The following TXNL4A variants were observed in gnomAD, a reference collection of about 807,000 sequenced individuals.
TXNL4A encodes thioredoxin-like protein 4A.
TXNL4A carries 17 observed loss-of-function variants against 14.6 expected under a neutral mutation model. The observed-to-expected ratio is 1.16, with a 90% CI of 0.80 to 1.74. The LOEUF (loss-of-function observed/expected upper bound fraction) is 1.74. Among genes scored for constraint, TXNL4A ranks in the 40% most tolerant of loss-of-function variants. The probability of loss-of-function intolerance (pLI) is 0.00; values close to 1 mark genes in which losing one functional copy is unlikely to be tolerated. For missense variants in TXNL4A, 74 were observed against 195.2 expected, an observed-to-expected ratio of 0.38 and a Z score of 3.70; for synonymous variants, 83 against 70.6, an observed-to-expected ratio of 1.18 and a Z score of -0.88.
chr18:80,002,530 C>G (rs146499838), intron 1 of TXNL4A, among the ~76,000 whole-genome samples: 2 of 152,296 alleles, frequency 1.3e-5, no homozygotes, highest in Non-Finnish European at 2.9e-5. Flanking sequence ...TTGTCACCAA[C>G]AAATCTGGTA....
At chr18:79,991,974 G>A (rs2051631340), upstream of TXNL4A, among the ~76,000 whole-genome samples, 1 of 152,220 alleles carries the variant, frequency 6.6e-6, no homozygotes, top group Non-Finnish European at 1.5e-5. Flanking sequence ...CATTGGTTCA[G>A]TCTGGAAAGG....
At chr18:80,002,614 G>A (rs2051705049) in intron 1 of TXNL4A, among the ~76,000 whole-genome samples, 1 of 152,180 alleles carries the variant, frequency 6.6e-6, no homozygotes, top group African/African-American at 2.4e-5. Flanking sequence ...AAATGAGGCT[G>A]GGTGTATGGC....
chr18:79,975,099 C>G (rs974788152), intron 2 of TXNL4A, among the ~76,000 whole-genome samples: 10 of 152,198 alleles, frequency 6.6e-5, no homozygotes, highest in African/African-American at 2.4e-4. Context: ...TGACTGGGGG[C>G]TGCCCGTAGC....
intron 1 of TXNL4A, among the ~76,000 whole-genome samples, chr18:80,006,704 A>G (rs1240621448): frequency 6.6e-6 from 1 of 152,128 alleles, no homozygotes; most frequent in African/African-American, 2.4e-5. Flanking sequence ...GGAGTTTAAT[A>G]GGCAAAAGAG....
Position 79,993,840 on chromosome 18 carries a change from C to T in TXNL4A, c.-60-16139G>A, listed in dbSNP as rs531783228. Reference sequence around the variant, plus strand: ...CTGGTTTTCTCCCCAGAAAAACATGCTTAAGGTCTAATCTCATCTGGTAGG... The same window carrying T: ...CTGGTTTTCTCCCCAGAAAAACATGTTTAAGGTCTAATCTCATCTGGTAGG... On this transcript the variant is annotated intron_variant, in intron 1 of 2. Transcript: ENST00000585474. The surrounding 1 kb of genome is among the most constrained non-coding windows in gnomAD (Gnocchi z 4.4). Among the ~76,000 whole-genome samples the T allele has an allele frequency of 6.6e-6, 1 of 152,308 alleles. No individual in the cohort carries two copies. Among genetic ancestry groups the T allele is most frequent in the East Asian group, 1.9e-4 (1 of 5,186 alleles).
intron 1 of TXNL4A, among the ~76,000 whole-genome samples, chr18:80,007,485 C>A (rs1309266063): frequency 6.6e-6 from 1 of 152,170 alleles, no homozygotes; most frequent in African/African-American, 2.4e-5. Flanking sequence ...CTATGGGTAA[C>A]ATCGGGTTCT....
upstream of TXNL4A, among the ~76,000 whole-genome samples, chr18:79,992,300 A>G (rs958956887): frequency 1.3e-5 from 2 of 152,204 alleles, no homozygotes; most frequent in African/African-American, 4.8e-5. Context: ...GGCCTATACA[A>G]ATCTGCCCCA....
chr18:79,988,816 G>A (rs545314872), upstream of TXNL4A, among the ~76,000 whole-genome samples: 40 of 151,074 alleles, frequency 2.6e-4, no homozygotes, highest in African/African-American at 9.3e-4. Context: ...CCACGCTCCC[G>A]CCCCGAGGCC....
rs750890210 is a variant in TXNL4A at position 79,982,318 on chromosome 18, G to A, written c.154-4617C>T. Reference sequence around the variant, plus strand: ...CCATGTATTTATTTCTAAGAAAGCAGGAATTGAAGAGTTCAGTTTTGTATA... The same window carrying A: ...CCATGTATTTATTTCTAAGAAAGCAAGAATTGAAGAGTTCAGTTTTGTATA... On this transcript the variant is annotated intron_variant, in intron 1 of 2. Transcript: ENST00000269601. The surrounding 1 kb of genome is among the most constrained non-coding windows in gnomAD (Gnocchi z 4.0). Among the ~76,000 whole-genome samples, 1 of 152,156 alleles carries A rather than the reference G, an allele frequency of 6.6e-6. No homozygotes were observed. The highest frequency in any genetic ancestry group is 1.5e-5 in the Non-Finnish European group (1 of 68,036).
intron 1 of TXNL4A, among the ~76,000 whole-genome samples, chr18:79,999,671 AT>A (rs2051686791): frequency 6.6e-6 from 1 of 152,210 alleles, no homozygotes; most frequent in African/African-American, 2.4e-5. Context: ...AAAGAGCAGC[AT>A]TTGAGCCAGC....
At chr18:80,021,423 C>A (rs1325999792) in intron 1 of TXNL4A, among the ~76,000 whole-genome samples, 3 of 152,046 alleles carry the variant, frequency 2.0e-5, no homozygotes, top group Non-Finnish European at 4.4e-5. Flanking sequence ...GTGATCTGCC[C>A]CCCTCGGCCT....
chr18:80,009,214 C>G (rs764297792), intron 1 of TXNL4A, among the ~76,000 whole-genome samples: 1 of 152,146 alleles, frequency 6.6e-6, no homozygotes, highest in Admixed American at 6.5e-5. Context: ...CATCATCTTA[C>G]AAGAAGAAAA....
Position 79,973,568 on chromosome 18 carries a change from A to C in TXNL4A, c.*117T>G. 1 of 1,333,600 alleles carries C rather than the reference A, an allele frequency of 7.5e-7. No individual in the cohort carries two copies. The highest frequency in any genetic ancestry group is 1.5e-5 in the South Asian group (1 of 64,594). 82.6% of individuals were successfully genotyped at this position (1,333,600 alleles called of 1,614,324 possible). A position where few individuals can be genotyped will look rare whatever the true frequency, so the allele number is the denominator to read the frequency against. On this transcript the variant is annotated 3_prime_UTR_variant, in exon 3 of 3. Transcript: ENST00000269601. ...GAGTTAAGACCATGTTATCAATTCC[A>C]TCTCAGAGGTGCTCCAGCCCTGGAG...
At chr18:79,983,893 T>C (rs2051502154) in intron 1 of TXNL4A, among the ~76,000 whole-genome samples, 1 of 152,216 alleles carries the variant, frequency 6.6e-6, no homozygotes, top group Non-Finnish European at 1.5e-5. Context: ...GTAACGCTCA[T>C]GCAGTTATGA....
intron 1 of TXNL4A, among the ~76,000 whole-genome samples, chr18:80,033,198 T>C (rs886242582): frequency 2.6e-5 from 4 of 152,066 alleles, no homozygotes; most frequent in Admixed American, 2.0e-4. Context: ...CACACACACA[T>C]ATATACGCGC....
chr18:79,986,180 C>T (rs1181740687), intron 1 of TXNL4A, among the ~76,000 whole-genome samples: 1 of 152,042 alleles, frequency 6.6e-6, no homozygotes, highest in Admixed American at 6.6e-5. Context: ...GCTGGGACTA[C>T]AGGCACGTGC....
At chr18:80,005,433 A>G (rs908966981) in intron 1 of TXNL4A, among the ~76,000 whole-genome samples, 5 of 152,312 alleles carry the variant, frequency 3.3e-5, no homozygotes, top group Admixed American at 3.3e-4. Context: ...GTAGGTATTC[A>G]TTCTGTATTA....
upstream of TXNL4A, among the ~76,000 whole-genome samples, chr18:79,991,000 C>T (rs945071477): frequency 2.0e-5 from 3 of 148,652 alleles, no homozygotes; most frequent in African/African-American, 5.0e-5. Flanking sequence ...CCCAGCTACT[C>T]GGGAGGCTGA....
chr18:79,973,915 T>G (rs954526998), intron 2 of TXNL4A, 59 bp from the exon 3 acceptor site: 211 of 1,584,380 alleles, frequency 1.3e-4, no homozygotes, highest in Non-Finnish European at 1.6e-4. Flanking sequence ...AAGAATTCCT[T>G]GAAAACAATG....
Sources: gnomAD v4.1 joint callset for allele counts (sites outside exome capture counted in the v4.1 genomes callset) on GRCh38, gnomAD v4.1.1 for gene constraint, Gnocchi (gnomAD v3.1) non-coding constraint, MANE v1.5 for transcripts, NCBI Gene and HGNC (gene_info 2026-07-23, HGNC 2026-07-21) for gene names.